ACYP2: variants seen among roughly 807,000 people sequenced by gnomAD.
ACYP2 encodes acylphosphatase-2.
Under a neutral mutation model 11.2 loss-of-function variants are expected in ACYP2, and 12 were observed. The ratio of observed to expected loss-of-function variants is 1.08; its 90% confidence interval spans 0.69 to 1.74. The LOEUF is 1.74. Among genes scored for constraint, ACYP2 ranks in the 40% most tolerant of loss-of-function variants. The pLI is 0.00. For synonymous variants in ACYP2, 43 were observed against 32.2 expected (o/e 1.33, Z -1.13); for missense variants, 134 against 101.9 (o/e 1.31, Z -1.35).
At chr2:54,153,012 T>C (rs1682252827) in intron 6 of ACYP2, among the ~76,000 whole-genome samples, 1 of 152,302 alleles carries the variant, frequency 6.6e-6, no homozygotes, top group South Asian at 2.1e-4. Context: ...TTTTTAAAAA[T>C]GTATTTTTTC....
chr2:54,006,997 T>C (rs566475421), intron 2 of ACYP2, among the ~76,000 whole-genome samples: 1 of 151,548 alleles, frequency 6.6e-6, no homozygotes, highest in Admixed American at 6.6e-5. Flanking sequence ...TGGTGGCATG[T>C]GCCTGTAATC....
chr2:54,242,988 T>C (rs1469496773), intron 6 of ACYP2, among the ~76,000 whole-genome samples: 1 of 152,240 alleles, frequency 6.6e-6, no homozygotes, highest in Non-Finnish European at 1.5e-5. Flanking sequence ...GTTACATCTT[T>C]TTTCTTACCA....
Position 54,290,190 on chromosome 2 carries a change from G to C in ACYP2, c.405-14498G>C, listed in dbSNP as rs546472705. Among the ~76,000 whole-genome samples the C allele has an allele frequency of 1.6e-4, 25 of 152,164 alleles. 1 individual carries two copies. Among genetic ancestry groups the C allele is most frequent in the African/African-American group, 4.8e-4 (20 of 41,426 alleles). ...GGGTGCCCGGCTGCCGCCGCCCCGC[G>C]ATCAATGGCACCTGAAGCTTCCCCG... On this transcript the variant is annotated intron_variant, in intron 6 of 6. Coordinates refer to ENST00000607452, the MANE Select transcript of ACYP2 (RefSeq NM_001320586.2).
At chr2:54,074,250 CAGA>C (rs1558510086) in intron 4 of ACYP2, among the ~76,000 whole-genome samples, 1 of 152,182 alleles carries the variant, frequency 6.6e-6, no homozygotes, top group East Asian at 1.9e-4. Flanking sequence ...TGTGCTGAGG[CAGA>C]AGGATCACTT....
chr2:53,978,506 G>A (rs1201556165), intron 2 of ACYP2, among the ~76,000 whole-genome samples: 4 of 152,168 alleles, frequency 2.6e-5, no homozygotes, highest in Admixed American at 2.6e-4. Context: ...CTATAACCGA[G>A]TGTGGGTAGC....
chr2:54,113,900 A>T (rs1558537137), intron 4 of ACYP2, among the ~76,000 whole-genome samples: 1 of 152,132 alleles, frequency 6.6e-6, no homozygotes, highest in Non-Finnish European at 1.5e-5. Context: ...GAATGATTTA[A>T]AATTTATGTT....
intron 6 of ACYP2, among the ~76,000 whole-genome samples, chr2:54,183,229 G>C (rs1683819886): frequency 6.6e-6 from 1 of 152,088 alleles, no homozygotes; most frequent in African/African-American, 2.4e-5. Flanking sequence ...AAAAATGATT[G>C]AATTTAATAA....
intron 6 of ACYP2, among the ~76,000 whole-genome samples, chr2:54,287,016 G>C (rs1292772146): frequency 2.0e-5 from 3 of 151,980 alleles, no homozygotes; most frequent in Non-Finnish European, 4.4e-5. Flanking sequence ...TTAAAAACAT[G>C]TTCCCCAATT....
chr2:54,117,446 C>T (rs572186872), intron 4 of ACYP2, among the ~76,000 whole-genome samples: 1 of 152,234 alleles, frequency 6.6e-6, no homozygotes, highest in Admixed American at 6.5e-5. Context: ...AGGCTCATGC[C>T]ACCATGCATG....
At chr2:54,165,490 GTCTCTCTCTGTC>G (rs1245768084) in intron 6 of ACYP2, among the ~76,000 whole-genome samples, 1 of 142,464 alleles carries the variant, frequency 7.0e-6, no homozygotes, top group Non-Finnish European at 1.5e-5. Flanking sequence ...GTGTGTGTCT[GTCTCTCTCTGTC>G]TCTCTCTCTT....
At chr2:53,978,508 G>A (rs1325365453) in intron 2 of ACYP2, among the ~76,000 whole-genome samples, 1 of 152,158 alleles carries the variant, frequency 6.6e-6, no homozygotes, top group Non-Finnish European at 1.5e-5. Context: ...ATAACCGAGT[G>A]TGGGTAGCCT....
At chr2:54,244,842 T>C (rs1290797835) in intron 6 of ACYP2, among the ~76,000 whole-genome samples, 1 of 152,224 alleles carries the variant, frequency 6.6e-6, no homozygotes, top group East Asian at 1.9e-4. Context: ...CAGATCAGGA[T>C]AATCAGCATA....
intron 6 of ACYP2, among the ~76,000 whole-genome samples, chr2:54,250,688 T>C (rs1687183434): frequency 6.6e-6 from 1 of 152,242 alleles, no homozygotes; most frequent in South Asian, 2.1e-4. Flanking sequence ...TATACTCTAC[T>C]CTTTATGTAA....
At chr2:54,074,827 G>C (rs1677243233) in intron 4 of ACYP2, among the ~76,000 whole-genome samples, 1 of 152,132 alleles carries the variant, frequency 6.6e-6, no homozygotes, top group Admixed American at 6.5e-5. Context: ...CTCTTACTCA[G>C]GGGAGGTCAG....
At chr2:54,156,451 C>A (rs190565591) in intron 6 of ACYP2, among the ~76,000 whole-genome samples, 3 of 152,222 alleles carry the variant, frequency 2.0e-5, no homozygotes, top group South Asian at 4.1e-4. Context: ...GTGTGTTGTT[C>A]CTCTCCCTGT....
At chr2:53,993,427 G>A (rs1053238656) in intron 2 of ACYP2, among the ~76,000 whole-genome samples, 1 of 152,096 alleles carries the variant, frequency 6.6e-6, no homozygotes, top group Non-Finnish European at 1.5e-5. Context: ...TGGGAATCAG[G>A]CCGGGCGTGG....
At chr2:54,223,242 A>C (rs1163809059) in intron 6 of ACYP2, among the ~76,000 whole-genome samples, 1 of 152,170 alleles carries the variant, frequency 6.6e-6, no homozygotes, top group Non-Finnish European at 1.5e-5. Context: ...CAACATTGAC[A>C]ATTTTGTTCA....
At chr2:54,006,531 C>G (rs1263768431) in intron 2 of ACYP2, among the ~76,000 whole-genome samples, 3 of 152,194 alleles carry the variant, frequency 2.0e-5, no homozygotes, top group Non-Finnish European at 2.9e-5. Flanking sequence ...TTAAGTGATC[C>G]TCCTGCTTCG....
At chr2:54,221,520 CTTTTTTT>C (rs548466074) in intron 6 of ACYP2, among the ~76,000 whole-genome samples, 9 of 127,294 alleles carry the variant, frequency 7.1e-5, no homozygotes, top group Admixed American at 8.2e-5. Context: ...GAATAAAATT[CTTTTTTT>C]TTTTTTTTTT....
Sources: allele counts gnomAD v4.1 joint callset (sites outside exome capture counted in the v4.1 genomes callset), GRCh38; gene constraint gnomAD v4.1.1; transcripts MANE v1.5; gene names NCBI Gene and HGNC (gene_info 2026-07-23, HGNC 2026-07-21).